The following EPB41L3 variants were observed in gnomAD, a reference collection of about 807,000 sequenced individuals.
EPB41L3 encodes the protein erythrocyte membrane protein band 4.1 like 3.
A neutral mutation model predicts 127.1 loss-of-function variants in EPB41L3; 57 were observed. The observed-to-expected ratio is 0.45, with a 90% CI of 0.36 to 0.56. The LOEUF (loss-of-function observed/expected upper bound fraction) is 0.56. EPB41L3 is among the 20% of genes least tolerant of loss of function. The probability of loss-of-function intolerance (pLI) is 0.00; values close to 1 mark genes in which losing one functional copy is unlikely to be tolerated. For missense variants in EPB41L3, 1,273 were observed against 1,372.2 expected, an observed-to-expected ratio of 0.93 and a Z score of 1.14; for synonymous variants, 572 against 549.5, an observed-to-expected ratio of 1.04 and a Z score of -0.57.
intron 3 of EPB41L3, among the ~76,000 whole-genome samples, chr18:5,476,416 T>A (rs909640498): frequency 6.6e-6 from 1 of 152,144 alleles, no homozygotes; most frequent in Admixed American, 6.5e-5. Flanking sequence ...AAATAAAAAA[T>A]TTGTAACCAC....
intron 3 of EPB41L3, among the ~76,000 whole-genome samples, chr18:5,585,228 A>T (rs1444137949): frequency 6.6e-6 from 1 of 152,222 alleles, no homozygotes; most frequent in African/African-American, 2.4e-5. Context: ...GTGCTAAAAC[A>T]ATTGCTAATG....
At chr18:5,495,807 C>T (rs999314343) in intron 1 of EPB41L3, among the ~76,000 whole-genome samples, 2 of 152,170 alleles carry the variant, frequency 1.3e-5, no homozygotes, top group Admixed American at 6.5e-5. Context: ...ACGTGGCTTC[C>T]CTTTCTGTTC....
At chr18:5,420,584 A>G (rs1469905585) in intron 11 of EPB41L3, among the ~76,000 whole-genome samples, 1 of 152,210 alleles carries the variant, frequency 6.6e-6, no homozygotes, top group Non-Finnish European at 1.5e-5. Flanking sequence ...CATCTCTAAT[A>G]TTTTGGGAAA....
At chr18:5,604,988 C>T (rs1249942514) in intron 3 of EPB41L3, among the ~76,000 whole-genome samples, 2 of 152,150 alleles carry the variant, frequency 1.3e-5, no homozygotes, top group Admixed American at 6.5e-5. Context: ...CCTTAGCTGT[C>T]AACCATCTGT....
At chr18:5,412,161 A>G (rs1598603272) in intron 13 of EPB41L3, among the ~76,000 whole-genome samples, 2 of 152,102 alleles carry the variant, frequency 1.3e-5, no homozygotes, top group East Asian at 3.9e-4. Context: ...TAACTCAAAG[A>G]TCTTAGGCTT....
At chr18:5,535,060 C>T (rs2093529046) in intron 1 of EPB41L3, among the ~76,000 whole-genome samples, 2 of 152,264 alleles carry the variant, frequency 1.3e-5, no homozygotes, top group South Asian at 2.1e-4. Flanking sequence ...TCAGAAGTGG[C>T]ATTTGATTCA....
intron 8 of EPB41L3, chr18:5,429,122 C>T (rs1342828879): frequency 6.6e-6 from 1 of 152,108 alleles, no homozygotes; most frequent in African/African-American, 2.4e-5. Context: ...CCCCAACAAC[C>T]GCCCTTCCCT....
intron 3 of EPB41L3, among the ~76,000 whole-genome samples, chr18:5,553,675 G>T (rs1443266704): frequency 6.6e-6 from 1 of 152,184 alleles, no homozygotes; most frequent in Non-Finnish European, 1.5e-5. Flanking sequence ...GACATACCCA[G>T]AATCAGCCAC....
At chr18:5,547,322 T>C (rs2093897373), upstream of EPB41L3, among the ~76,000 whole-genome samples, 1 of 152,230 alleles carries the variant, frequency 6.6e-6, no homozygotes, top group Non-Finnish European at 1.5e-5. Flanking sequence ...TATAGAAAAG[T>C]AGTTCTTGGG....
chr18:5,470,712 T>A (rs971440323), intron 3 of EPB41L3, among the ~76,000 whole-genome samples: 4 of 152,222 alleles, frequency 2.6e-5, no homozygotes, highest in Non-Finnish European at 5.9e-5. Context: ...GGAAGTAGGC[T>A]CAGACAAGCT....
chr18:5,468,034 C>T (rs12954936), intron 3 of EPB41L3, among the ~76,000 whole-genome samples: 31,854 of 152,104 alleles, frequency 0.21, 4,239 homozygotes, highest in Non-Finnish European at 0.29. Context: ...GCACCCACTC[C>T]AATTTCAGAG....
Position 5,488,967 on chromosome 18 carries a change from A to C in EPB41L3, c.183+34T>G, listed in dbSNP as rs906269090. 7.7e-6 allele frequency: 12 copies of C among 1,553,322 alleles called. 1 individual carries two copies. Among genetic ancestry groups the C allele is most frequent in the East Asian group, 2.4e-5 (1 of 42,136 alleles). On this transcript the variant is annotated intron_variant, in intron 2 of 22. Transcript: ENST00000341928. ...AGCCGATCCTGGAGCAGCTCAGCAA[A>C]CACTGCGTCATTAGTTTTCTGGCCT...
At chr18:5,510,597 T>C (rs1234226382) in intron 1 of EPB41L3, among the ~76,000 whole-genome samples, 1 of 152,232 alleles carries the variant, frequency 6.6e-6, no homozygotes, top group Non-Finnish European at 1.5e-5. Flanking sequence ...GTGGCTTTAT[T>C]TCTGGACTAT....
chr18:5,628,162 G>C (rs1028743877), intron 1 of EPB41L3, among the ~76,000 whole-genome samples: 3 of 152,190 alleles, frequency 2.0e-5, no homozygotes, highest in Non-Finnish European at 4.4e-5. Flanking sequence ...GGGGCCCGTC[G>C]GTAACTGCCA....
intron 1 of EPB41L3, among the ~76,000 whole-genome samples, chr18:5,507,604 A>T (rs60979927): frequency 0.2 from 30,728 of 152,118 alleles, 3,176 homozygotes; most frequent in African/African-American, 0.25. Context: ...CCTAACCTTA[A>T]CATTGTTGAC....
intron 2 of EPB41L3, among the ~76,000 whole-genome samples, chr18:5,613,894 AAAAT>A (rs2094759964): frequency 6.6e-6 from 1 of 152,244 alleles, no homozygotes; most frequent in Non-Finnish European, 1.5e-5. Flanking sequence ...AAGTGAATTA[AAAAT>A]AAATATCAAA....
chr18:5,477,971 AT>A (rs1158912615), intron 3 of EPB41L3, among the ~76,000 whole-genome samples: 2 of 152,030 alleles, frequency 1.3e-5, no homozygotes, highest in Admixed American at 6.6e-5. Flanking sequence ...AGCTTTCAAA[AT>A]TTTTTTTGTT....
intron 1 of EPB41L3, among the ~76,000 whole-genome samples, chr18:5,499,327 C>T (rs1268227122): frequency 6.6e-6 from 1 of 152,160 alleles, no homozygotes; most frequent in East Asian, 1.9e-4. Context: ...TACTCTTCAC[C>T]TCCTATTCCT....
chr18:5,463,562 T>C lies in EPB41L3; in HGVS notation c.381+14679A>G, dbSNP rs2084405876. The C allele has an allele frequency of 2.0e-5, 3 of 152,258 alleles. No homozygotes were observed. In the South Asian group the frequency reaches 6.2e-4, roughly 32 times the overall value. 9.4% of individuals were successfully genotyped at this position (152,258 alleles called of 1,614,324 possible). A position where few individuals can be genotyped will look rare whatever the true frequency, so the allele number is the denominator to read the frequency against. On this transcript the variant is annotated intron_variant, in intron 3 of 22. Coordinates refer to ENST00000341928, the MANE Select transcript of EPB41L3 (RefSeq NM_012307.5). Reference sequence around the variant, plus strand: ...AATCATGGTGAGGGAGGTTCTATGTTGCTGTGCTACAGGAGCCTCATGGGA... The same window carrying C: ...AATCATGGTGAGGGAGGTTCTATGTCGCTGTGCTACAGGAGCCTCATGGGA...
Sources: allele counts gnomAD v4.1 joint callset (sites outside exome capture counted in the v4.1 genomes callset), GRCh38; gene constraint gnomAD v4.1.1; transcripts MANE v1.5; gene names NCBI Gene and HGNC (gene_info 2026-07-23, HGNC 2026-07-21).